The following GTF2IRD1 variants were observed in gnomAD, a reference collection of about 807,000 sequenced individuals.
The protein encoded by GTF2IRD1 is general transcription factor II-I repeat domain-containing protein 1.
Under a neutral mutation model 113.2 loss-of-function variants are expected in GTF2IRD1, and 26 were observed. That is an observed-to-expected ratio of 0.23 (90% CI 0.17 to 0.32). GTF2IRD1 has a LOEUF of 0.32. Ranked by LOEUF, GTF2IRD1 falls within the 10% of genes least tolerant of loss-of-function variation. The probability of loss-of-function intolerance (pLI) is 1.00; values close to 1 mark genes in which losing one functional copy is unlikely to be tolerated. For missense variants in GTF2IRD1, 864 were observed against 1,280.8 expected, an observed-to-expected ratio of 0.67 and a Z score of 4.97; for synonymous variants, 484 against 529.1, an observed-to-expected ratio of 0.91 and a Z score of 1.17.
chr7:74,529,707 A>C (rs1420436320), intron 8 of GTF2IRD1, 27 bp from the exon 9 acceptor site: 2 of 1,610,646 alleles, frequency 1.2e-6, no homozygotes, highest in East Asian at 4.5e-5. Flanking sequence ...TCTAACACTC[A>C]GCCTTGCTGT....
At chr7:74,475,090 A>T (rs1794326380) in intron 1 of GTF2IRD1, among the ~76,000 whole-genome samples, 1 of 152,204 alleles carries the variant, frequency 6.6e-6, no homozygotes, top group African/African-American at 2.4e-5. Context: ...CTCCATCTCT[A>T]CAAAAAATAA....
At position 74,519,581 on chromosome 7, in the gene GTF2IRD1, A is replaced by T; in HGVS notation, c.778A>T (p.Thr260Ser). ...CTCCATGGCCAGCTTCCTGTACAGC[A>T]CGGCGCTCCCCAACCACGCCATCCG... ...SSSMASFLYS[T>S]ALPNHAIREL... The change falls in exon 6 of 27, where the codon ACG (threonine) becomes TCG (serine). Residue 260 changes from threonine (T) to serine (S), a missense_variant. Thr to Ser is a moderately conservative substitution (Grantham distance 58). Transcript: ENST00000424337. 6.2e-7 allele frequency: 1 copy of T among 1,612,372 alleles called. No individual in the cohort carries two copies. Among genetic ancestry groups the T allele is most frequent in the Non-Finnish European group, 8.5e-7 (1 of 1,179,650 alleles).
At position 74,602,168 on chromosome 7, in the gene GTF2IRD1, C is replaced by T. The variant is rs1458962505; in HGVS notation, c.2767-197C>T. On this transcript the variant is annotated intron_variant, in intron 26 of 26. Coordinates refer to ENST00000424337, the MANE Select transcript of GTF2IRD1 (RefSeq NM_005685.4). ...GAGGCAGGAGACTCGCTTGAACCCG[C>T]GGGGCCAAGGTTGCAGTGAGCCGAG... 8 of 469,436 alleles carry T rather than the reference C, an allele frequency of 1.7e-5. No homozygotes were observed. The South Asian group carries it at 2.3e-4, about 13-fold the overall frequency. 29.1% of individuals were successfully genotyped at this position (469,436 alleles called of 1,614,324 possible).
chr7:74,514,963 A>G (rs1796839354), intron 3 of GTF2IRD1, among the ~76,000 whole-genome samples: 1 of 149,742 alleles, frequency 6.7e-6, no homozygotes, highest in Non-Finnish European at 1.5e-5. Context: ...AGGCTGAGGC[A>G]GGAGAATCAC....
chr7:74,481,264 C>T (rs1794725954), intron 1 of GTF2IRD1, among the ~76,000 whole-genome samples: 1 of 152,218 alleles, frequency 6.6e-6, no homozygotes, highest in African/African-American at 2.4e-5. Context: ...AAGCCATCCT[C>T]CCACCTCAGC....
chr7:74,458,418 G>A (rs146221433), intron 1 of GTF2IRD1, among the ~76,000 whole-genome samples: 11 of 143,896 alleles, frequency 7.6e-5, no homozygotes, highest in African/African-American at 2.8e-4. Flanking sequence ...GATACGGCAG[G>A]AGGGGCCTGG....
intron 1 of GTF2IRD1, among the ~76,000 whole-genome samples, chr7:74,475,355 G>A (rs1413965582): frequency 6.6e-6 from 1 of 152,236 alleles, no homozygotes; most frequent in Non-Finnish European, 1.5e-5. Context: ...AAGGGACAGG[G>A]TGTTAATATG....
chr7:74,561,535 C>T (rs1456750656), intron 22 of GTF2IRD1, among the ~76,000 whole-genome samples: 9 of 143,996 alleles, frequency 6.3e-5, no homozygotes, highest in African/African-American at 1.6e-4. Context: ...GTGGGTTTGG[C>T]GGGGTGAACG....
chr7:74,511,575 T>G (rs1796630587), intron 2 of GTF2IRD1, among the ~76,000 whole-genome samples: 1 of 152,236 alleles, frequency 6.6e-6, no homozygotes, highest in South Asian at 2.1e-4. Flanking sequence ...AATTTTCCAG[T>G]AGGGACCCTG....
At chr7:74,494,635 T>A (rs1447790072) in intron 1 of GTF2IRD1, among the ~76,000 whole-genome samples, 3 of 152,054 alleles carry the variant, frequency 2.0e-5, no homozygotes, top group Admixed American at 6.5e-5. Context: ...TTATTTATTT[T>A]TTTCACTTTG....
chr7:74,513,850 A>G (rs1366959795), intron 3 of GTF2IRD1, among the ~76,000 whole-genome samples: 1 of 152,086 alleles, frequency 6.6e-6, no homozygotes, highest in Non-Finnish European at 1.5e-5. Context: ...CTGTCTCTAC[A>G]AAAAATTTAA....
chr7:74,525,476 G>C (rs897652081), intron 8 of GTF2IRD1, among the ~76,000 whole-genome samples: 3 of 152,202 alleles, frequency 2.0e-5, no homozygotes, highest in African/African-American at 7.2e-5. Context: ...CAAGTGGTAG[G>C]CGCTGTGGCT....
chr7:74,531,415 A>G (rs1168072580), intron 9 of GTF2IRD1, among the ~76,000 whole-genome samples: 3 of 152,166 alleles, frequency 2.0e-5, no homozygotes, highest in African/African-American at 7.2e-5. Flanking sequence ...ATAATTGTCC[A>G]TGCCTCATAG....
intron 22 of GTF2IRD1, among the ~76,000 whole-genome samples, chr7:74,579,393 G>A (rs1189985371): frequency 7.2e-5 from 11 of 152,078 alleles, no homozygotes; most frequent in African/African-American, 1.9e-4. Context: ...CGAGGCAGGC[G>A]GATCACCTGA....
intron 22 of GTF2IRD1, among the ~76,000 whole-genome samples, chr7:74,570,917 G>A (rs1554362485): frequency 6.6e-6 from 1 of 152,096 alleles, no homozygotes; most frequent in Non-Finnish European, 1.5e-5. Context: ...TTGCTGCCCC[G>A]CCACCAGCTC....
chr7:74,588,576 G>C (rs145516150), intron 22 of GTF2IRD1, among the ~76,000 whole-genome samples: 17 of 152,028 alleles, frequency 1.1e-4, no homozygotes, highest in South Asian at 6.2e-4. Context: ...TGTCTCCCGG[G>C]CTGGACTGCA....
At chr7:74,495,249 GC>G (rs1795588462) in intron 1 of GTF2IRD1, among the ~76,000 whole-genome samples, 1 of 152,204 alleles carries the variant, frequency 6.6e-6, no homozygotes, top group African/African-American at 2.4e-5. Flanking sequence ...GCCCTCCAGA[GC>G]CCAGGCCCAG....
At chr7:74,548,421 C>CA (rs782421473) in intron 17 of GTF2IRD1, among the ~76,000 whole-genome samples, 1,322 of 120,258 alleles carry the variant, frequency 0.011, 6 homozygotes, top group Non-Finnish European at 0.014. Context: ...GACTTCGTCT[C>CA]AAAAAAAAAA....
intron 22 of GTF2IRD1, among the ~76,000 whole-genome samples, chr7:74,585,301 C>T (rs1460982610): frequency 6.6e-5 from 10 of 151,730 alleles, no homozygotes; most frequent in African/African-American, 1.4e-4. Flanking sequence ...TTAGTAGAGA[C>T]GGGGTTTCAC....
Sources: allele counts gnomAD v4.1 joint callset (sites outside exome capture counted in the v4.1 genomes callset), GRCh38; gene constraint gnomAD v4.1.1; transcripts MANE v1.5; gene names NCBI Gene and HGNC (gene_info 2026-07-23, HGNC 2026-07-21).